CSMD1: variants seen among roughly 807,000 people sequenced by gnomAD.
CSMD1 encodes the protein CUB and Sushi multiple domains 1, also known as CUB and sushi domain-containing protein 1.
CSMD1 carries 213 observed loss-of-function variants against 417.5 expected under a neutral mutation model. That is an observed-to-expected ratio of 0.51 (90% confidence interval 0.46 to 0.57). The LOEUF (loss-of-function observed/expected upper bound fraction) is 0.57, where lower values mean the gene tolerates loss of function less well. Ranked by LOEUF, CSMD1 falls within the 20% of genes least tolerant of loss-of-function variation. The probability of loss-of-function intolerance (pLI) is 0.00; values close to 1 mark genes in which losing one functional copy is unlikely to be tolerated. For synonymous variants in CSMD1, 2,862 were observed against 1,736.8 expected, an observed-to-expected ratio of 1.65 and a Z score of -16.11; for missense variants, 6,923 against 4,529.7, an observed-to-expected ratio of 1.53 and a Z score of -15.17.
At chr8:4,868,886 T>A (rs1243692894) in intron 1 of CSMD1, among the ~76,000 whole-genome samples, 1 of 152,000 alleles carries the variant, frequency 6.6e-6, no homozygotes, top group Non-Finnish European at 1.5e-5. Context: ...TTGAATGAAG[T>A]AATATTTGCA....
At chr8:4,340,496 T>A (rs1018863326) in intron 3 of CSMD1, among the ~76,000 whole-genome samples, 5 of 152,130 alleles carry the variant, frequency 3.3e-5, no homozygotes, top group African/African-American at 9.6e-5. Context: ...CATGGTCGAG[T>A]CCCCAATGTC....
intron 8 of CSMD1, among the ~76,000 whole-genome samples, chr8:3,594,802 G>A (rs1025827526): frequency 5.9e-5 from 9 of 152,170 alleles, no homozygotes; most frequent in African/African-American, 9.7e-5. Context: ...GTTAACCTCC[G>A]AGGGAACCGC....
At position 4,814,688 on chromosome 8, in the gene CSMD1, A is replaced by T. The variant is rs571694179; in HGVS notation, c.86-177130T>A. 1.2e-4 allele frequency among the ~76,000 whole-genome samples: 18 copies of T among 152,276 alleles called. No homozygotes were observed. The South Asian group carries it at 3.3e-3, about 28-fold the overall frequency. ...GTGTATATGGGTGAACACAACAGCA[A>T]ATCCCAGCTCATGCAGGTGTACCCT... On this transcript the variant is annotated intron_variant, in intron 1 of 69. Transcript: ENST00000635120.
Position 3,394,017 on chromosome 8 carries a change from TATATATATATATA to T in CSMD1, c.2593+2164_2593+2176del, listed in dbSNP as rs1811522778. ...AATAATAATAAAAAAATAAATTATATATATATATATATATATATATATATATATATATATATAT... is the reference window on the plus strand; with the variant it reads ...AATAATAATAAAAAAATAAATTATATTATATATATATATATATATATATAT... On this transcript the variant is annotated intron_variant, in intron 17 of 69. Coordinates refer to ENST00000635120, the MANE Select transcript of CSMD1 (RefSeq NM_033225.6). 6.0e-4 allele frequency among the ~76,000 whole-genome samples: 46 copies of T among 77,208 alleles called. 1 individual carries two copies. The highest frequency in any genetic ancestry group is 1.8e-3 in the African/African-American group (40 of 22,750). The allele number at this position is 77,208 out of a possible 152,430, so 50.7% of individuals were successfully genotyped here.
At position 3,396,399 on chromosome 8, in the gene CSMD1, C is replaced by T. The variant is rs1043540131; in HGVS notation, c.2406-18G>A. On this transcript the variant is annotated intron_variant, in intron 16 of 69. Transcript: ENST00000635120. ...TCTGAAATCTGCAAATATATACATC[C>T]CATCAGAAAAGACATGCAGAACTGC... is the stretch of plus-strand genomic sequence containing the variant. 2.0e-6 allele frequency: 3 copies of T among 1,523,420 alleles called. No individual in the cohort carries two copies. In the Admixed American group the frequency reaches 6.3e-5, roughly 32 times the overall value. 94.4% of individuals were successfully genotyped at this position (1,523,420 alleles called of 1,614,324 possible).
rs34935169 is a variant in CSMD1 at position 4,441,260 on chromosome 8, G to GTTT, written c.303-21198_303-21196dup. 1.3e-3 allele frequency among the ~76,000 whole-genome samples: 86 copies of GTTT among 66,974 alleles called. 2 individuals carry two copies. Among genetic ancestry groups the GTTT allele is most frequent in the Non-Finnish European group, 1.5e-3 (56 of 36,484 alleles). 43.9% of individuals were successfully genotyped at this position (66,974 alleles called of 152,430 possible). A position where few individuals can be genotyped will look rare whatever the true frequency, so the allele number is the denominator to read the frequency against. The stretch of plus-strand genomic sequence containing the variant: ...ACTACAGGCCTGAGCACTACACTCA[G>GTTT]TTTTTTTTTTTTTTTTTTTTTTGGT... On this transcript the variant is annotated intron_variant, in intron 2 of 69. Coordinates refer to ENST00000635120, the MANE Select transcript of CSMD1 (RefSeq NM_033225.6).
chr8:3,889,277 G>C (rs905063975), intron 5 of CSMD1, among the ~76,000 whole-genome samples: 1 of 151,330 alleles, frequency 6.6e-6, no homozygotes, highest in East Asian at 1.9e-4. Flanking sequence ...TTTCTAGAAA[G>C]CCATTGCCTT....
chr8:3,874,573 G>C (rs1253938005), intron 5 of CSMD1, among the ~76,000 whole-genome samples: 1 of 152,150 alleles, frequency 6.6e-6, no homozygotes, highest in Non-Finnish European at 1.5e-5. Flanking sequence ...CTGCCTCTGT[G>C]ATGGAGATCT....
chr8:3,949,857 A>T, intron 5 of CSMD1: 1 of 455,034 alleles, frequency 2.2e-6, no homozygotes. Flanking sequence ...ATCCCTGGGG[A>T]CATGGCCTCC....
intron 37 of CSMD1, among the ~76,000 whole-genome samples, chr8:3,172,702 A>G (rs1427294528): frequency 6.6e-6 from 1 of 152,130 alleles, no homozygotes; most frequent in Non-Finnish European, 1.5e-5. Flanking sequence ...GGGAGGTGGG[A>G]GGAAGGCCCA....
chr8:4,262,120 G>C (rs1315108973), intron 3 of CSMD1, among the ~76,000 whole-genome samples: 1 of 151,944 alleles, frequency 6.6e-6, no homozygotes, highest in Admixed American at 6.5e-5. Flanking sequence ...CTTTCCTATA[G>C]AGAATTGTTA....
In CSMD1 at chr8:3,252,677, A is replaced by C. The variant is rs372880867; in HGVS notation, c.4154-22446T>G. 1.4e-4 allele frequency among the ~76,000 whole-genome samples: 21 copies of C among 152,288 alleles called. No homozygotes were observed. In the South Asian group the frequency reaches 1.7e-3, roughly 12 times the overall value. On this transcript the variant is annotated intron_variant, in intron 26 of 69. Transcript: ENST00000635120. ...ATACCTCTGGTAGAATTTGGCTGTGAATCCATCTGGTCCTGGACTTTTTTT... is the reference window on the plus strand; with the variant it reads ...ATACCTCTGGTAGAATTTGGCTGTGCATCCATCTGGTCCTGGACTTTTTTT...
chr8:4,224,045 A>G (rs1321457032), intron 3 of CSMD1, among the ~76,000 whole-genome samples: 6 of 152,114 alleles, frequency 3.9e-5, no homozygotes, highest in Non-Finnish European at 5.9e-5. Context: ...AAACATGCAT[A>G]CGTAACCCTA....
At chr8:3,221,704 T>C (rs1194397514) in intron 28 of CSMD1, among the ~76,000 whole-genome samples, 2 of 151,922 alleles carry the variant, frequency 1.3e-5, no homozygotes, top group Admixed American at 1.3e-4. Context: ...ATCTCTAAGC[T>C]CTTACAGCAT....
At chr8:3,856,817 G>A (rs375314498) in intron 5 of CSMD1, among the ~76,000 whole-genome samples, 2 of 152,190 alleles carry the variant, frequency 1.3e-5, no homozygotes, top group South Asian at 2.1e-4. Flanking sequence ...CTCAGGCTGG[G>A]GCCCAAAGTT....
chr8:4,558,659 G>C (rs1207094049), intron 2 of CSMD1, among the ~76,000 whole-genome samples: 3 of 152,096 alleles, frequency 2.0e-5, no homozygotes, highest in Admixed American at 6.5e-5. Context: ...CTGAGGTCAG[G>C]AGTTCTAGAC....
At chr8:4,107,721 T>C (rs1801640591) in intron 3 of CSMD1, among the ~76,000 whole-genome samples, 1 of 152,126 alleles carries the variant, frequency 6.6e-6, no homozygotes, top group Non-Finnish European at 1.5e-5. Context: ...CTCCATCAGA[T>C]GCTGTGATTA....
At chr8:4,385,013 G>A (rs144028822) in intron 3 of CSMD1, among the ~76,000 whole-genome samples, 96 of 152,192 alleles carry the variant, frequency 6.3e-4, no homozygotes, top group Admixed American at 2.1e-3. Flanking sequence ...TGCAACCTCC[G>A]TCCCCCTGGT....
At chr8:3,777,996 T>C (rs1052423452) in intron 5 of CSMD1, among the ~76,000 whole-genome samples, 1 of 152,148 alleles carries the variant, frequency 6.6e-6, no homozygotes, top group South Asian at 2.1e-4. Flanking sequence ...CAGTACCCAC[T>C]CCAGACCTGC....
Sources: allele counts gnomAD v4.1 joint callset (sites outside exome capture counted in the v4.1 genomes callset), GRCh38; gene constraint gnomAD v4.1.1; transcripts MANE v1.5; gene names NCBI Gene and HGNC (gene_info 2026-07-23, HGNC 2026-07-21).